MAP3K7: variants seen among roughly 807,000 people sequenced by gnomAD.
MAP3K7 encodes the protein mitogen-activated protein kinase kinase kinase 7.
In MAP3K7, 21 loss-of-function variants were observed where a neutral mutation model predicts 84.8. The observed-to-expected ratio is 0.25, with a 90% CI of 0.18 to 0.36. The LOEUF (loss-of-function observed/expected upper bound fraction) is 0.36, where lower values mean the gene tolerates loss of function less well. MAP3K7 is among the 10% of genes least tolerant of loss of function. The pLI, the probability that MAP3K7 is intolerant of heterozygous loss-of-function variation, is 1.00. For synonymous variants in MAP3K7, 241 were observed against 247.7 expected (o/e 0.97, Z 0.25); for missense variants, 503 against 747.7 (o/e 0.67, Z 3.82).
At chr6:90,550,198 A>C (rs1315896683) in intron 9 of MAP3K7, among the ~76,000 whole-genome samples, 1 of 152,196 alleles carries the variant, frequency 6.6e-6, no homozygotes, top group Non-Finnish European at 1.5e-5. Context: ...TTTCAAGTTA[A>C]GAATGACATT....
intron 6 of MAP3K7, 118 bp downstream of exon 6, chr6:90,556,382 G>T (rs1008842017): frequency 1.9e-6 from 2 of 1,043,212 alleles, no homozygotes; most frequent in East Asian, 2.6e-5. Flanking sequence ...AGATTTCATT[G>T]TATACTTTAT....
chr6:90,574,060 G>A (rs1327282767), intron 1 of MAP3K7, among the ~76,000 whole-genome samples: 6 of 152,196 alleles, frequency 3.9e-5, no homozygotes, highest in African/African-American at 1.4e-4. Context: ...GAGTTTGAAT[G>A]TAGGGCTCTG....
chr6:90,573,114 T>C (rs1273304066), intron 1 of MAP3K7, among the ~76,000 whole-genome samples: 2 of 152,186 alleles, frequency 1.3e-5, no homozygotes, highest in African/African-American at 4.8e-5. Flanking sequence ...CATTTTACAG[T>C]TGAAGTGCCT....
At chr6:90,561,090 A>G (rs1318220347) in intron 4 of MAP3K7, among the ~76,000 whole-genome samples, 1 of 152,196 alleles carries the variant, frequency 6.6e-6, no homozygotes, top group Non-Finnish European at 1.5e-5. Flanking sequence ...TTTGTTTTAT[A>G]TAACTGGTGC....
intron 12 of MAP3K7, 77 bp downstream of exon 12, chr6:90,544,475 A>C: frequency 7.8e-7 from 1 of 1,290,188 alleles, no homozygotes; most frequent in Non-Finnish European, 1.1e-6. Context: ...AAATTGGAGC[A>C]AGAAGCATTT....
In MAP3K7 at chr6:90,553,583, C is replaced by T. The variant is rs1460160552; in HGVS notation, c.611G>A (p.Ser204Asn). The T allele has an allele frequency of 6.3e-7, 1 of 1,599,502 alleles. No homozygotes were observed. The change falls in exon 7 of 17, where the codon AGT becomes AAT. Residue 204 changes from serine (S) to asparagine (N), a missense_variant. Physicochemically the swap from Ser to Asn is conservative, Grantham distance 46. This residue lies in a region of MAP3K7 where 97 missense variants were observed against 270.8 expected (regional missense o/e 0.36). Transcript: ENST00000369329. ...AWMAPEVFEGSNYSEKCDVFS... is the reference protein window; with the variant it reads ...AWMAPEVFEGNNYSEKCDVFS... ...GACGTCACATTTTTCACTGTAATTACTACCTAGAAAAAAAAAAGGTAGTAT... is the reference window on the plus strand; with the variant it reads ...GACGTCACATTTTTCACTGTAATTATTACCTAGAAAAAAAAAAGGTAGTAT...
At chr6:90,522,407 C>G (rs806280) in intron 14 of MAP3K7, among the ~76,000 whole-genome samples, 47,097 of 151,970 alleles carry the variant, frequency 0.31, 7,671 homozygotes, top group Non-Finnish European at 0.36. Context: ...GTACCAGACC[C>G]GGGCAAATGC....
chr6:90,518,497 T>C lies in MAP3K7; in HGVS notation c.1590A>G (p.Ala530=). ...CTGTTTGAACTTTCATATATTCTTG[T>C]GCCATTTTACAATGCTGTTCAAACA... ...MAVFEQHCKM[A]QEYMKVQTEI... is the part of the protein sequence containing the mutation. The change falls in exon 16 of 17, where the codon GCA becomes GCG. Residue 530 remains alanine, a synonymous_variant. Transcript: ENST00000369329. 1 of 1,609,186 alleles carries C rather than the reference T, an allele frequency of 6.2e-7. No individual in the cohort carries two copies. The highest frequency in any genetic ancestry group is 8.5e-7 in the Non-Finnish European group (1 of 1,177,002).
At chr6:90,584,613 A>G (rs193080587) in intron 1 of MAP3K7, among the ~76,000 whole-genome samples, 69 of 152,326 alleles carry the variant, frequency 4.5e-4, no homozygotes, top group Non-Finnish European at 8.7e-4. Flanking sequence ...CATCAAAATG[A>G]TAACTACCTC....
At chr6:90,564,866 C>T (rs1776650648) in intron 3 of MAP3K7, among the ~76,000 whole-genome samples, 2 of 152,200 alleles carry the variant, frequency 1.3e-5, no homozygotes, top group Admixed American at 1.3e-4. Context: ...TTACAACAAA[C>T]TGTCTCTCTG....
intron 12 of MAP3K7, among the ~76,000 whole-genome samples, chr6:90,539,566 A>G (rs963165307): frequency 2.0e-5 from 3 of 151,852 alleles, no homozygotes. Flanking sequence ...GTGCTGCAGT[A>G]GTCTGGAGGA....
intron 13 of MAP3K7, among the ~76,000 whole-genome samples, chr6:90,525,301 T>C (rs1286281934): frequency 6.6e-6 from 1 of 152,106 alleles, no homozygotes; most frequent in Non-Finnish European, 1.5e-5. Context: ...GAGAAAGAGA[T>C]AATATGATAA....
Position 90,568,165 on chromosome 6 carries a change from T to C in MAP3K7, c.297+393A>G, listed in dbSNP as rs188777161. Among the ~76,000 whole-genome samples, 179 of 152,270 alleles carry C rather than the reference T, an allele frequency of 1.2e-3. No homozygotes were observed. The Middle Eastern group carries it at 0.014, about 12-fold the overall frequency. ...CCAACATGGCAAATGTATACATACG[T>C]AACAAACCTGCACGTTGTGCACATG... On this transcript the variant is annotated intron_variant, in intron 3 of 16. Coordinates refer to ENST00000369329, the MANE Select transcript of MAP3K7 (RefSeq NM_145331.3).
rs180792901 is a variant in MAP3K7 at position 90,529,064 on chromosome 6, T to C, written c.1357-5281A>G. ...GGTTGTTTGTGTACAAGGCCAGACC[T>C]TGTGTTTGAGGACATGGAGTGCCTA... is the stretch of plus-strand genomic sequence containing the variant. On this transcript the variant is annotated intron_variant, in intron 13 of 16. Coordinates refer to ENST00000369329, the MANE Select transcript of MAP3K7 (RefSeq NM_145331.3). Among the ~76,000 whole-genome samples, 179 of 152,310 alleles carry C rather than the reference T, an allele frequency of 1.2e-3. No homozygotes were observed. In the Middle Eastern group the frequency reaches 0.014, roughly 12 times the overall value.
chr6:90,521,174 T>C (rs1775136989), intron 14 of MAP3K7, among the ~76,000 whole-genome samples: 1 of 152,120 alleles, frequency 6.6e-6, no homozygotes, highest in South Asian at 2.1e-4. Context: ...TTTCTCACTT[T>C]ACACTAAATT....
chr6:90,552,234 G>C, intron 7 of MAP3K7, 55 bp from the exon 8 acceptor site: 1 of 1,497,640 alleles, frequency 6.7e-7, no homozygotes, highest in Non-Finnish European at 9.2e-7. Flanking sequence ...AAAGAATGAT[G>C]CAAACTCTTT....
At chr6:90,569,071 G>A (rs1332419486) in intron 2 of MAP3K7, among the ~76,000 whole-genome samples, 1 of 151,980 alleles carries the variant, frequency 6.6e-6, no homozygotes, top group Non-Finnish European at 1.5e-5. Flanking sequence ...CTCTGCGTGG[G>A]GCCCTAATGT....
intron 1 of MAP3K7, among the ~76,000 whole-genome samples, chr6:90,584,922 T>A (rs765361443): frequency 6.6e-6 from 1 of 152,162 alleles, no homozygotes; most frequent in Non-Finnish European, 1.5e-5. Context: ...GGAAAAGGAA[T>A]TTATCATAGC....
rs1048948493 is a variant in MAP3K7, at chr6:90,515,638, T to C, written c.*863A>G. On this transcript the variant is annotated 3_prime_UTR_variant, in exon 17 of 17. Transcript: ENST00000369329. ...TTTTCTTCATTTTTTTTTTTTCAAA[T>C]ACATGAGAAAACAATCCAAGAATCA... 1.3e-5 allele frequency: 2 copies of C among 151,492 alleles called. No individual in the cohort carries two copies. Among genetic ancestry groups the C allele is most frequent in the Admixed American group, 6.6e-5 (1 of 15,158 alleles). The allele number at this position is 151,492 out of a possible 1,614,324, so 9.4% of individuals were successfully genotyped here.
Sources: allele counts gnomAD v4.1 joint callset (sites outside exome capture counted in the v4.1 genomes callset), GRCh38; gene constraint gnomAD v4.1.1; regional missense constraint gnomAD v4.1.1; transcripts MANE v1.5; gene names NCBI Gene and HGNC (gene_info 2026-07-23, HGNC 2026-07-21).